SCN11A: variants seen among roughly 807,000 people sequenced by gnomAD.
SCN11A encodes sodium voltage-gated channel alpha subunit 11, also known as sodium channel protein type 11 subunit alpha.
Under a neutral mutation model 162.2 loss-of-function variants are expected in SCN11A, and 122 were observed. That is an observed-to-expected ratio of 0.75 (90% CI 0.65 to 0.87). SCN11A has a LOEUF of 0.87. Among genes scored for constraint, SCN11A ranks in the 40% least tolerant of loss-of-function variants. The probability of loss-of-function intolerance (pLI) is 0.00; values close to 1 mark genes in which losing one functional copy is unlikely to be tolerated. For missense variants in SCN11A, 2,015 were observed against 2,181.6 expected (o/e 0.92, Z 1.52); for synonymous variants, 758 against 751.5 (o/e 1.01, Z -0.14).
intron 7 of SCN11A, among the ~76,000 whole-genome samples, chr3:38,938,744 A>C (rs1470385941): frequency 6.6e-6 from 1 of 150,614 alleles, no homozygotes; most frequent in East Asian, 2.0e-4. Flanking sequence ...TTGTATTCTT[A>C]GTAGAGACGC....
intron 2 of SCN11A, among the ~76,000 whole-genome samples, chr3:38,972,542 T>C (rs1187641849): frequency 6.6e-6 from 1 of 152,110 alleles, no homozygotes; most frequent in Non-Finnish European, 1.5e-5. Context: ...GTTCAAAAAC[T>C]TGGATTGTGA....
At chr3:38,924,280 C>T (rs1019521114) in intron 9 of SCN11A, among the ~76,000 whole-genome samples, 3 of 152,006 alleles carry the variant, frequency 2.0e-5, no homozygotes, top group Non-Finnish European at 2.9e-5. Context: ...TCTTGGCTCA[C>T]TGCAGCCTGC....
chr3:38,964,795 T>C lies in SCN11A; in HGVS notation c.-279-4372A>G, dbSNP rs114830898. Among the ~76,000 whole-genome samples, 676 of 152,326 alleles carry C rather than the reference T, an allele frequency of 4.4e-3. 1 individual carries two copies. The highest frequency in any genetic ancestry group is 7.5e-3 in the Non-Finnish European group (513 of 68,020). On this transcript the variant is annotated intron_variant, in intron 2 of 29. Transcript: ENST00000302328. ...AAGTTGAAGGGATGCCTTGAATACC[T>C]CTTGCATACCACCAAGGAGTTCAAA...
chr3:39,001,710 A>AAAACAAACAAACAAAC (rs149361919), intron 2 of SCN11A, among the ~76,000 whole-genome samples: 2 of 151,258 alleles, frequency 1.3e-5, no homozygotes, highest in Non-Finnish European at 2.9e-5. Context: ...GCATTTGTTT[A>AAAACAAACAAACAAAC]AAACAAACAA....
chr3:38,934,064 A>G (rs2066288379), intron 7 of SCN11A, among the ~76,000 whole-genome samples: 2 of 152,374 alleles, frequency 1.3e-5, no homozygotes, highest in Admixed American at 1.3e-4. Flanking sequence ...AGTGGGGGCC[A>G]ATATTCAACA....
intron 21 of SCN11A, 60 bp downstream of exon 21, chr3:38,885,228 G>T: frequency 1.0e-6 from 1 of 975,774 alleles, no homozygotes; most frequent in Non-Finnish European, 1.7e-6. Flanking sequence ...GAGCTTCAAA[G>T]AAGAACAGAA....
intron 21 of SCN11A, among the ~76,000 whole-genome samples, chr3:38,885,052 A>G (rs1454742238): frequency 6.6e-6 from 1 of 152,176 alleles, no homozygotes; most frequent in East Asian, 1.9e-4. Flanking sequence ...AGTTTTCCAG[A>G]GTGTTTACCT....
rs71323683 is a variant in SCN11A at position 38,905,869 on chromosome 3, G to C, written c.1474-548C>G. On this transcript the variant is annotated intron_variant, in intron 14 of 29. Transcript: ENST00000302328. ...TAAACCTCAAACACACTCTCAAGCTGGGCCCAAGGGCTAGCTCACTCTCTC... is the reference window on the plus strand; with the variant it reads ...TAAACCTCAAACACACTCTCAAGCTCGGCCCAAGGGCTAGCTCACTCTCTC... Among the ~76,000 whole-genome samples the C allele has an allele frequency of 2.9e-3, 447 of 152,190 alleles. 1 individual carries two copies. The highest frequency in any genetic ancestry group is 5.0e-3 in the Non-Finnish European group (341 of 67,998).
chr3:38,889,197 G>T (rs1374147066), intron 19 of SCN11A, among the ~76,000 whole-genome samples: 3 of 151,928 alleles, frequency 2.0e-5, no homozygotes, highest in African/African-American at 4.8e-5. Flanking sequence ...AGGCTGAGGT[G>T]GGCGGATCAC....
At chr3:38,921,841 T>C (rs1238046117) in intron 9 of SCN11A, among the ~76,000 whole-genome samples, 1 of 152,220 alleles carries the variant, frequency 6.6e-6, no homozygotes, top group African/African-American at 2.4e-5. Context: ...GCACCTACTA[T>C]GTCCATGGCA....
intron 2 of SCN11A, among the ~76,000 whole-genome samples, chr3:39,025,461 T>C (rs1020602282): frequency 6.6e-6 from 1 of 152,220 alleles, no homozygotes; most frequent in Non-Finnish European, 1.5e-5. Context: ...CTTGATTATA[T>C]GCTAAACAAG....
At chr3:38,949,210 G>A (rs1356885409) in intron 5 of SCN11A, among the ~76,000 whole-genome samples, 1 of 152,232 alleles carries the variant, frequency 6.6e-6, no homozygotes, top group East Asian at 1.9e-4. Context: ...TCCAACCTCT[G>A]CTGGATCACA....
chr3:38,877,186 G>T (rs2065230590), intron 23 of SCN11A, among the ~76,000 whole-genome samples: 1 of 72,292 alleles, frequency 1.4e-5, no homozygotes, highest in African/African-American at 6.8e-5. Flanking sequence ...GTATATATAT[G>T]GTGTATATAC....
intron 29 of SCN11A, chr3:38,849,973 A>C (rs991318938): frequency 2.6e-5 from 4 of 153,782 alleles, no homozygotes; most frequent in African/African-American, 9.6e-5. Flanking sequence ...TGAAAGCCCA[A>C]TCTAGAGTGG....
At chr3:38,995,885 C>A (rs2030616948) in intron 2 of SCN11A, among the ~76,000 whole-genome samples, 1 of 146,962 alleles carries the variant, frequency 6.8e-6, no homozygotes, top group Non-Finnish European at 1.5e-5. Flanking sequence ...CAATACAAAG[C>A]CATAATCCCA....
rs562812561 is a variant in SCN11A, at chr3:38,923,648, C to T, written c.712+1767G>A. On this transcript the variant is annotated intron_variant, in intron 9 of 29. Coordinates refer to ENST00000302328, the MANE Select transcript of SCN11A (RefSeq NM_001349253.2). Reference sequence around the variant, plus strand: ...ACAGAATCAAACCAGTGTCTACCAACTCCACTACCACTACCTGATCAGAGA... The same window carrying T: ...ACAGAATCAAACCAGTGTCTACCAATTCCACTACCACTACCTGATCAGAGA... Among the ~76,000 whole-genome samples, 52 of 152,352 alleles carry T rather than the reference C, an allele frequency of 3.4e-4. No homozygotes were observed. The South Asian group carries it at 6.6e-3, about 19-fold the overall frequency.
At chr3:39,040,509 TA>T (rs1211182161) in intron 1 of SCN11A, among the ~76,000 whole-genome samples, 1 of 152,058 alleles carries the variant, frequency 6.6e-6, no homozygotes, top group Admixed American at 6.5e-5. Flanking sequence ...AGGAACACAA[TA>T]ATTCTCCAGT....
At chr3:38,991,677 T>C (rs1169207275) in intron 2 of SCN11A, among the ~76,000 whole-genome samples, 1 of 152,226 alleles carries the variant, frequency 6.6e-6, no homozygotes, top group Non-Finnish European at 1.5e-5. Context: ...GATGTTAAGG[T>C]CAAATGTCAT....
In SCN11A at chr3:38,900,083, G is replaced by T. The variant is rs200533903; in HGVS notation, c.1843-10C>A. On this transcript the variant is annotated splice_polypyrimidine_tract_variant and intron_variant, in intron 16 of 29. Transcript: ENST00000302328. ...AAATGCTAGTGAAAACCTAGAGTGGGACAAAGAAGAATGAGAGAAGGAAGC... is the reference window on the plus strand; with the variant it reads ...AAATGCTAGTGAAAACCTAGAGTGGTACAAAGAAGAATGAGAGAAGGAAGC... 870 of 1,611,342 alleles carry T rather than the reference G, an allele frequency of 5.4e-4. No homozygotes were observed. The highest frequency in any genetic ancestry group is 6.9e-4 in the Non-Finnish European group (813 of 1,177,858).
Sources: gnomAD v4.1 joint callset for allele counts (sites outside exome capture counted in the v4.1 genomes callset) on GRCh38, gnomAD v4.1.1 for gene constraint, MANE v1.5 for transcripts, NCBI Gene and HGNC (gene_info 2026-07-23, HGNC 2026-07-21) for gene names.